Variants in EHBP1 observed in about 807,000 individuals in gnomAD.
The protein encoded by EHBP1 is EH domain-binding protein 1.
In EHBP1, 55 loss-of-function variants were observed where a neutral mutation model predicts 144.0. The ratio of observed to expected loss-of-function variants is 0.38; its 90% confidence interval spans 0.31 to 0.48. EHBP1 has a LOEUF of 0.48. EHBP1 is among the 20% of genes least tolerant of loss of function. EHBP1 has a pLI of 0.98. For missense variants in EHBP1, 1,200 were observed against 1,364.2 expected (o/e 0.88, Z 1.90); for synonymous variants, 469 against 472.7 (o/e 0.99, Z 0.10).
intron 16 of EHBP1, among the ~76,000 whole-genome samples, chr2:62,993,190 A>T (rs2059481110): frequency 6.6e-6 from 1 of 152,198 alleles, no homozygotes; most frequent in Non-Finnish European, 1.5e-5. Context: ...GCATAAAATT[A>T]GAAACTAGTT....
chr2:62,696,451 T>G (rs1325441277), intron 1 of EHBP1, among the ~76,000 whole-genome samples: 1 of 151,424 alleles, frequency 6.6e-6, no homozygotes, highest in African/African-American at 2.4e-5. Context: ...CCAGCTTTTT[T>G]TTTTCTTTTC....
At chr2:62,827,737 G>C (rs528247768) in intron 6 of EHBP1, among the ~76,000 whole-genome samples, 1 of 151,386 alleles carries the variant, frequency 6.6e-6, no homozygotes, top group African/African-American at 2.4e-5. Flanking sequence ...GCACGATCTC[G>C]GCTCACTGCA....
At chr2:62,841,904 G>A (rs1009404507) in intron 7 of EHBP1, among the ~76,000 whole-genome samples, 3 of 152,090 alleles carry the variant, frequency 2.0e-5, no homozygotes, top group Non-Finnish European at 2.9e-5. Context: ...CTTAGGTTGG[G>A]TAATTTGTAA....
intron 10 of EHBP1, among the ~76,000 whole-genome samples, chr2:62,916,726 G>A (rs2054644919): frequency 6.7e-6 from 1 of 149,172 alleles, no homozygotes; most frequent in African/African-American, 2.4e-5. Context: ...ATTTTATAAT[G>A]TGTGTATTAT....
chr2:62,784,148 A>G (rs1305787150), intron 5 of EHBP1, among the ~76,000 whole-genome samples: 1 of 152,216 alleles, frequency 6.6e-6, no homozygotes, highest in African/African-American at 2.4e-5. Context: ...ATATAAAACT[A>G]CTAATTAAAT....
intron 10 of EHBP1, among the ~76,000 whole-genome samples, chr2:62,902,814 A>G (rs1282635672): frequency 6.6e-6 from 1 of 152,216 alleles, no homozygotes; most frequent in Non-Finnish European, 1.5e-5. Context: ...AAATCACTTT[A>G]CTTCATTATA....
At chr2:62,683,650 C>T (rs890049105) in intron 1 of EHBP1, among the ~76,000 whole-genome samples, 4 of 112,194 alleles carry the variant, frequency 3.6e-5, no homozygotes, top group Non-Finnish European at 6.8e-5. Context: ...AAGAGCGAGA[C>T]TCCATCTCAA....
chr2:62,802,242 C>T (rs562427022), intron 5 of EHBP1, among the ~76,000 whole-genome samples: 5 of 152,114 alleles, frequency 3.3e-5, no homozygotes, highest in African/African-American at 7.2e-5. Context: ...TTTTTTTCCC[C>T]GGGGGAATAT....
intron 19 of EHBP1, among the ~76,000 whole-genome samples, chr2:63,006,127 T>C (rs1004518780): frequency 6.6e-5 from 10 of 152,006 alleles, no homozygotes; most frequent in African/African-American, 1.4e-4. Flanking sequence ...TTATAAAACT[T>C]TGGACTAGGG....
chr2:62,787,707 A>G (rs1292899220), intron 5 of EHBP1, among the ~76,000 whole-genome samples: 1 of 152,218 alleles, frequency 6.6e-6, no homozygotes, highest in Admixed American at 6.5e-5. Flanking sequence ...TGAAAAAAGG[A>G]AGAATAAGCT....
intron 5 of EHBP1, among the ~76,000 whole-genome samples, chr2:62,775,911 A>T (rs942102576): frequency 1.3e-5 from 2 of 152,196 alleles, no homozygotes; most frequent in African/African-American, 4.8e-5. Flanking sequence ...TAGCTACCTT[A>T]ATAAGAAAGA....
rs1249602343 is a variant in EHBP1 at position 62,943,807 on chromosome 2, A to G, written c.1370A>G (p.Tyr457Cys). 3.7e-6 allele frequency: 6 copies of G among 1,600,492 alleles called. No homozygotes were observed. Among genetic ancestry groups the G allele is most frequent in the Non-Finnish European group, 5.1e-6 (6 of 1,171,216 alleles). ...TGTGCTATTTTCTCCCTCAGTGACT[A>G]CAAGTCTCTGAATCCTCAAGATATT... ...LHHFRPDLID[Y>C]KSLNPQDIKE... The change falls in exon 12 of 23, where the codon TAC becomes TGC. Residue 457 changes from tyrosine (Y) to cysteine (C), a missense_variant. Tyr to Cys is a radical substitution (Grantham distance 194). Transcript: ENST00000431489.
intron 19 of EHBP1, among the ~76,000 whole-genome samples, chr2:62,999,235 A>G (rs2059756472): frequency 2.0e-5 from 3 of 152,110 alleles, no homozygotes; most frequent in Non-Finnish European, 4.4e-5. Flanking sequence ...CTCTTTCCCC[A>G]CTACATCTTC....
chr2:63,007,158 G>T (rs1372295329), intron 19 of EHBP1, among the ~76,000 whole-genome samples: 1 of 151,754 alleles, frequency 6.6e-6, no homozygotes, highest in Non-Finnish European at 1.5e-5. Context: ...ACACAAGAAT[G>T]GCATTTTACC....
chr2:62,699,469 A>G (rs892829895), intron 1 of EHBP1, among the ~76,000 whole-genome samples: 2 of 152,204 alleles, frequency 1.3e-5, no homozygotes, highest in Admixed American at 1.3e-4. Flanking sequence ...CTTATTTGCA[A>G]TATGTAAATT....
chr2:62,838,306 C>A (rs1198443425), intron 7 of EHBP1, among the ~76,000 whole-genome samples: 3 of 152,120 alleles, frequency 2.0e-5, no homozygotes, highest in African/African-American at 7.2e-5. Flanking sequence ...AACAAAGACA[C>A]AACATACCAC....
intron 10 of EHBP1, among the ~76,000 whole-genome samples, chr2:62,928,999 T>A (rs2055761798): frequency 6.6e-6 from 1 of 152,038 alleles, no homozygotes; most frequent in African/African-American, 2.4e-5. Flanking sequence ...AATAGACAAA[T>A]TCCTAGAAAC....
intron 2 of EHBP1, among the ~76,000 whole-genome samples, chr2:62,733,028 T>C (rs1014468755): frequency 9.2e-5 from 14 of 152,240 alleles, no homozygotes; most frequent in Admixed American, 3.9e-4. Flanking sequence ...GTAACACCCT[T>C]AGCATATCAA....
intron 2 of EHBP1, among the ~76,000 whole-genome samples, chr2:62,723,260 T>G (rs1213828425): frequency 6.6e-6 from 1 of 152,218 alleles, no homozygotes; most frequent in Admixed American, 6.5e-5. Context: ...TTTTTAATCT[T>G]TGTGATTTAA....
Sources: allele counts gnomAD v4.1 joint callset (sites outside exome capture counted in the v4.1 genomes callset), GRCh38; gene constraint gnomAD v4.1.1; transcripts MANE v1.5; gene names NCBI Gene and HGNC (gene_info 2026-07-23, HGNC 2026-07-21).